CREG1: variants seen among roughly 807,000 people sequenced by gnomAD.
CREG1 encodes protein CREG1.
Under a neutral mutation model 19.9 loss-of-function variants are expected in CREG1, and 20 were observed. The observed-to-expected ratio is 1.01, with a 90% CI of 0.71 to 1.46. The LOEUF (loss-of-function observed/expected upper bound fraction) is 1.46, where lower values mean the gene tolerates loss of function less well. Among genes scored for constraint, CREG1 ranks in the 40% most tolerant of loss-of-function variants. The pLI is 0.00. For synonymous variants in CREG1, 141 were observed against 143.3 expected (o/e 0.98, Z 0.12); for missense variants, 290 against 314.9 (o/e 0.92, Z 0.60).
In CREG1 at chr1:167,546,112, A is replaced by G; in HGVS notation, c.648T>C (p.Asn216=). Residue 216 remains asparagine, a synonymous_variant, in exon 3 of 4, where the codon AAT becomes AAC. Transcript: ENST00000370509. ...GTGTAAGTACTTACTGAACTGTGACATTATAATATTCTTCTGGTGTCACGA... is the reference window on the plus strand; with the variant it reads ...GTGTAAGTACTTACTGAACTGTGACGTTATAATATTCTTCTGGTGTCACGA... The part of the protein sequence containing the change: ...PKIVTPEEYY[N]VTVQ The G allele has an allele frequency of 6.2e-7, 1 of 1,601,542 alleles. No homozygotes were observed. Among genetic ancestry groups the G allele is most frequent in the African/African-American group, 1.3e-5 (1 of 74,432 alleles).
At chr1:167,549,390 G>T (rs199553434) in intron 1 of CREG1, among the ~76,000 whole-genome samples, 7 of 141,150 alleles carry the variant, frequency 5.0e-5, no homozygotes, top group Admixed American at 1.4e-4. Flanking sequence ...ATTTTTTTTT[G>T]TTTTTTTTTT....
At chr1:167,553,342 C>T in intron 1 of CREG1, 46 bp downstream of exon 1, 1 of 1,299,436 alleles carries the variant, frequency 7.7e-7, no homozygotes, top group Non-Finnish European at 9.9e-7. Context: ...GCTCTGTGGC[C>T]GCCCCGCCCA....
At chr1:167,549,845 C>T (rs759632674) in intron 1 of CREG1, among the ~76,000 whole-genome samples, 4 of 151,960 alleles carry the variant, frequency 2.6e-5, no homozygotes, top group Admixed American at 6.6e-5. Flanking sequence ...TCACCACACC[C>T]GGCTAATATT....
In CREG1 at chr1:167,549,367, C is replaced by T. The variant is rs187139327; in HGVS notation, c.355-1246G>A. Among the ~76,000 whole-genome samples, 361 of 144,240 alleles carry T rather than the reference C, an allele frequency of 2.5e-3. 3 individuals are homozygous for T. The highest frequency in any genetic ancestry group is 9.0e-3 in the African/African-American group (346 of 38,598). The allele number at this position is 144,240 out of a possible 152,430, so 94.6% of individuals were successfully genotyped here. A position where few individuals can be genotyped will look rare whatever the true frequency, so the allele number is the denominator to read the frequency against. ...TGTTGAAACAGGCTTCACTCCCAACCCAAATAACTGCAATTTTTTTTTGTT... is the reference window on the plus strand; with the variant it reads ...TGTTGAAACAGGCTTCACTCCCAACTCAAATAACTGCAATTTTTTTTTGTT... On this transcript the variant is annotated intron_variant, in intron 1 of 3. Coordinates refer to ENST00000370509, the MANE Select transcript of CREG1 (RefSeq NM_003851.3).
In CREG1 at chr1:167,542,724, T is replaced by C. The variant is rs116641367; in HGVS notation, c.660-423A>G. ...AGAGCAGTGATTAGCCATTGCCCAG[T>C]GATAGTGACCACAGCTGGGAGGTGA... is the stretch of plus-strand genomic sequence containing the variant. On this transcript the variant is annotated intron_variant, in intron 3 of 3. Transcript: ENST00000370509. Among the ~76,000 whole-genome samples the C allele has an allele frequency of 9.2e-3, 1,401 of 152,302 alleles. 18 individuals carry two copies. The highest frequency in any genetic ancestry group is 0.032 in the African/African-American group (1,313 of 41,548).
In CREG1 at chr1:167,542,176, G is replaced by A; in HGVS notation, c.*122C>T. 1.2e-6 allele frequency: 1 copy of A among 804,966 alleles called. No individual in the cohort carries two copies. The highest frequency in any genetic ancestry group is 1.9e-6 in the Non-Finnish European group (1 of 529,006). The allele number at this position is 804,966 out of a possible 1,614,324, so 49.9% of individuals were successfully genotyped here. A position where few individuals can be genotyped will look rare whatever the true frequency, so the allele number is the denominator to read the frequency against. On this transcript the variant is annotated 3_prime_UTR_variant, in exon 4 of 4. Coordinates refer to ENST00000370509, the MANE Select transcript of CREG1 (RefSeq NM_003851.3). ...AGTAAACAAGCAAGCAAACAAACCA[G>A]CATGTGACAGAAAACTGGCTAATAT...
chr1:167,553,511 C>T lies in CREG1; in HGVS notation c.231G>A (p.Leu77=). 1 of 1,490,196 alleles carries T rather than the reference C, an allele frequency of 6.7e-7. No homozygotes were observed. Among genetic ancestry groups the T allele is most frequent in the African/African-American group, 1.5e-5 (1 of 68,818 alleles). The allele number at this position is 1,490,196 out of a possible 1,614,324, so 92.3% of individuals were successfully genotyped here. A position where few individuals can be genotyped will look rare whatever the true frequency, so the allele number is the denominator to read the frequency against. ...CGAAGGGCCGGCCGCGCACCGCCTC[C>T]AGCGTGGAGATGGTGGCCAGAGCGC... ...DWGALATIST[L]EAVRGRPFAD... Residue 77 remains leucine, a synonymous_variant, in exon 1 of 4, where the codon CTG becomes CTA. Coordinates refer to ENST00000370509, the MANE Select transcript of CREG1 (RefSeq NM_003851.3).
chr1:167,547,348 G>A (rs1656346502), intron 2 of CREG1, among the ~76,000 whole-genome samples: 1 of 152,142 alleles, frequency 6.6e-6, no homozygotes, highest in African/African-American at 2.4e-5. Flanking sequence ...AAGGAGCCCA[G>A]ACATGGAAAA....
At chr1:167,552,482 G>A (rs571461391) in intron 1 of CREG1, among the ~76,000 whole-genome samples, 94 of 152,290 alleles carry the variant, frequency 6.2e-4, no homozygotes, top group African/African-American at 2.2e-3. Flanking sequence ...ATCCATCAGA[G>A]TTGTAAGTGT....
At chr1:167,544,979 C>T (rs1190447894) in intron 3 of CREG1, among the ~76,000 whole-genome samples, 1 of 152,220 alleles carries the variant, frequency 6.6e-6, no homozygotes, top group Non-Finnish European at 1.5e-5. Flanking sequence ...ACTCCAAAGA[C>T]TCCAGTTACA....
At position 167,541,208 on chromosome 1, in the gene CREG1, C is replaced by T. The variant is rs1265570036; in HGVS notation, c.*1090G>A. On this transcript the variant is annotated 3_prime_UTR_variant, in exon 4 of 4. Coordinates refer to ENST00000370509, the MANE Select transcript of CREG1 (RefSeq NM_003851.3). Reference sequence around the variant, plus strand: ...TCAGTGGCTTGATTCCTGACATTTCCTCTTTAAGAGGAATCTTATGTCATC... The same window carrying T: ...TCAGTGGCTTGATTCCTGACATTTCTTCTTTAAGAGGAATCTTATGTCATC... The T allele has an allele frequency of 6.6e-6, 1 of 152,132 alleles. No homozygotes were observed. The highest frequency in any genetic ancestry group is 1.5e-5 in the Non-Finnish European group (1 of 68,026). The allele number at this position is 152,132 out of a possible 1,614,324, so 9.4% of individuals were successfully genotyped here. A position where few individuals can be genotyped will look rare whatever the true frequency, so the allele number is the denominator to read the frequency against.
intron 3 of CREG1, among the ~76,000 whole-genome samples, chr1:167,544,619 T>C (rs1218766724): frequency 6.6e-6 from 1 of 152,152 alleles, no homozygotes; most frequent in Non-Finnish European, 1.5e-5. Flanking sequence ...AGTCAGGTGA[T>C]GGCTCTGGAG....
rs1048499580 is a variant in CREG1, at chr1:167,553,757, A to G, written c.-16T>C. The G allele has an allele frequency of 6.4e-6, 8 of 1,243,998 alleles. No individual in the cohort carries two copies. The South Asian group carries it at 2.2e-4, about 35-fold the overall frequency. 77.1% of individuals were successfully genotyped at this position (1,243,998 alleles called of 1,614,324 possible). On this transcript the variant is annotated 5_prime_UTR_variant, in exon 1 of 4. Transcript: ENST00000370509. Reference sequence around the variant, plus strand: ...GCCCGGCCATGGCGGTGTCTCCAGGAAGAGTCCCGGGCCCCAAGACCTGCA... The same window carrying G: ...GCCCGGCCATGGCGGTGTCTCCAGGGAGAGTCCCGGGCCCCAAGACCTGCA...
At chr1:167,552,904 G>A (rs868485042) in intron 1 of CREG1, among the ~76,000 whole-genome samples, 33 of 152,122 alleles carry the variant, frequency 2.2e-4, no homozygotes, top group Admixed American at 1.8e-3. Flanking sequence ...AAAATTAGCC[G>A]GGTGTGGTGG....
chr1:167,550,286 C>A (rs1656402932), intron 1 of CREG1, among the ~76,000 whole-genome samples: 1 of 152,142 alleles, frequency 6.6e-6, no homozygotes, highest in Admixed American at 6.5e-5. Context: ...TCCGCACCCG[C>A]CTCTATATGC....
intron 1 of CREG1, among the ~76,000 whole-genome samples, chr1:167,549,662 C>A (rs1656390970): frequency 6.6e-6 from 1 of 151,926 alleles, no homozygotes; most frequent in South Asian, 2.1e-4. Context: ...GGATTACAGG[C>A]GTGAGACACC....
chr1:167,551,428 C>T (rs1656421712), intron 1 of CREG1, among the ~76,000 whole-genome samples: 2 of 152,146 alleles, frequency 1.3e-5, no homozygotes, highest in Admixed American at 6.6e-5. Flanking sequence ...AAACCTAAAG[C>T]CCTGGGTAGG....
rs552919699 is a variant in CREG1 at position 167,547,856 on chromosome 1, G to C, written c.474+146C>G. 1.7e-4 allele frequency: 130 copies of C among 765,694 alleles called. No homozygotes were observed. In the African/African-American group the frequency reaches 2.1e-3, roughly 12 times the overall value. 47.4% of individuals were successfully genotyped at this position (765,694 alleles called of 1,614,324 possible). A position where few individuals can be genotyped will look rare whatever the true frequency, so the allele number is the denominator to read the frequency against. On this transcript the variant is annotated intron_variant, in intron 2 of 3. Coordinates refer to ENST00000370509, the MANE Select transcript of CREG1 (RefSeq NM_003851.3). ...GACTCGCTTGAACCCAGGAGGCAGA[G>C]GTTGCAGTAAGCCGAGATCACACCA...
chr1:167,553,528 C>T lies in CREG1; in HGVS notation c.214G>A (p.Ala72Thr), dbSNP rs1571628811. 4 of 1,483,680 alleles carry T rather than the reference C, an allele frequency of 2.7e-6. No homozygotes were observed. Among genetic ancestry groups the T allele is most frequent in the Non-Finnish European group, 3.6e-6 (4 of 1,124,504 alleles). 91.9% of individuals were successfully genotyped at this position (1,483,680 alleles called of 1,614,324 possible). A position where few individuals can be genotyped will look rare whatever the true frequency, so the allele number is the denominator to read the frequency against. The change falls in exon 1 of 4, where the codon GCC becomes ACC. Residue 72 changes from alanine (A) to threonine (T), a missense_variant. Ala to Thr is a moderately conservative substitution (Grantham distance 58). Coordinates refer to ENST00000370509, the MANE Select transcript of CREG1 (RefSeq NM_003851.3). The stretch of plus-strand genomic sequence containing the variant: ...ACCGCCTCCAGCGTGGAGATGGTGG[C>T]CAGAGCGCCCCAGTCGGAGACGTGC... ...VTHVSDWGAL[A>T]TISTLEAVRG...
Sources: allele counts gnomAD v4.1 joint callset (sites outside exome capture counted in the v4.1 genomes callset), GRCh38; gene constraint gnomAD v4.1.1; transcripts MANE v1.5; gene names NCBI Gene and HGNC (gene_info 2026-07-23, HGNC 2026-07-21).